Variants in PRKCE observed in about 807,000 individuals in gnomAD.
PRKCE encodes protein kinase C epsilon.
In PRKCE, 16 loss-of-function variants were observed where a neutral mutation model predicts 85.4. The observed-to-expected ratio is 0.19, with a 90% confidence interval of 0.13 to 0.28. PRKCE has a LOEUF of 0.28. PRKCE is among the 10% of genes least tolerant of loss of function. The pLI is 1.00. For missense variants in PRKCE, 573 were observed against 975.2 expected, an observed-to-expected ratio of 0.59 and a Z score of 5.49; for synonymous variants, 388 against 371.5, an observed-to-expected ratio of 1.04 and a Z score of -0.51.
intron 2 of PRKCE, among the ~76,000 whole-genome samples, chr2:45,934,702 A>G (rs1455714018): frequency 6.6e-6 from 1 of 151,974 alleles, no homozygotes; most frequent in Non-Finnish European, 1.5e-5. Context: ...AAAGCTCTAA[A>G]AAGATTCCAA....
intron 1 of PRKCE, among the ~76,000 whole-genome samples, chr2:45,804,988 G>A (rs1355955539): frequency 2.5e-5 from 3 of 121,056 alleles, no homozygotes; most frequent in African/African-American, 9.3e-5. Flanking sequence ...TCTGTTTTAT[G>A]CTAGAAGAGA....
intron 10 of PRKCE, among the ~76,000 whole-genome samples, chr2:46,055,439 G>A (rs1255544529): frequency 6.6e-6 from 1 of 152,244 alleles, no homozygotes; most frequent in Non-Finnish European, 1.5e-5. Context: ...GAAGGGGTCA[G>A]TGAAATACCC....
chr2:45,663,318 A>G (rs1675761672), intron 1 of PRKCE, among the ~76,000 whole-genome samples: 2 of 152,242 alleles, frequency 1.3e-5, no homozygotes, highest in African/African-American at 2.4e-5. Context: ...TCGGAAAATC[A>G]AGATTAACAC....
intron 10 of PRKCE, among the ~76,000 whole-genome samples, chr2:46,020,559 T>A (rs963692139): frequency 1.3e-5 from 2 of 152,218 alleles, no homozygotes; most frequent in Non-Finnish European, 2.9e-5. Flanking sequence ...AGATTCAAGA[T>A]TCTGGTATTC....
Position 45,786,913 on chromosome 2 carries a change from A to C in PRKCE, c.349-56087A>C, listed in dbSNP as rs1483286105. Reference sequence around the variant, plus strand: ...AAACCCTAGGGAATACGATTCCAGAACCTCACTGTTAACCAGGAAGCTGGT... The same window carrying C: ...AAACCCTAGGGAATACGATTCCAGACCCTCACTGTTAACCAGGAAGCTGGT... On this transcript the variant is annotated intron_variant, in intron 1 of 14. Transcript: ENST00000306156. This position sits in a 1 kb window ranked among gnomAD's most constrained non-coding sequence, Gnocchi z 5.3. Among the ~76,000 whole-genome samples, 2 of 152,198 alleles carry C rather than the reference A, an allele frequency of 1.3e-5. No individual in the cohort carries two copies. Among genetic ancestry groups the C allele is most frequent in the African/African-American group, 4.8e-5 (2 of 41,466 alleles).
intron 1 of PRKCE, among the ~76,000 whole-genome samples, chr2:45,720,777 T>C (rs1680551175): frequency 6.6e-6 from 1 of 152,170 alleles, no homozygotes; most frequent in South Asian, 2.1e-4. Flanking sequence ...AGCACTGTGC[T>C]TGGGGCTCAA....
chr2:45,813,277 C>T (rs150579050), intron 1 of PRKCE, among the ~76,000 whole-genome samples: 256 of 152,256 alleles, frequency 1.7e-3, no homozygotes, highest in African/African-American at 5.9e-3. Flanking sequence ...TCTGCGGGGA[C>T]CTTGTTGGCC....
chr2:45,883,207 A>T (rs1394551445), intron 2 of PRKCE, among the ~76,000 whole-genome samples: 2 of 152,254 alleles, frequency 1.3e-5, no homozygotes, highest in Non-Finnish European at 2.9e-5. Flanking sequence ...TTCCCTAAAC[A>T]GATTGCTCTT....
chr2:46,055,056 C>T (rs544779837), intron 10 of PRKCE, among the ~76,000 whole-genome samples: 2 of 152,302 alleles, frequency 1.3e-5, no homozygotes, highest in Admixed American at 6.5e-5. Context: ...CTAATTCGTT[C>T]GTGATCACAT....
At chr2:45,719,871 G>A (rs555486335) in intron 1 of PRKCE, among the ~76,000 whole-genome samples, 3 of 152,292 alleles carry the variant, frequency 2.0e-5, no homozygotes, top group African/African-American at 7.2e-5. Flanking sequence ...GTTACAGTGA[G>A]CTATGATCTA....
intron 2 of PRKCE, among the ~76,000 whole-genome samples, chr2:45,894,601 T>C (rs975030952): frequency 2.6e-5 from 4 of 151,884 alleles, no homozygotes; most frequent in East Asian, 1.9e-4. Context: ...TTTTCTGGAG[T>C]GGACGTGAGG....
rs73928813 is a variant in PRKCE at position 45,820,124 on chromosome 2, A to C, written c.349-22876A>C. Among the ~76,000 whole-genome samples, 108 of 152,306 alleles carry C rather than the reference A, an allele frequency of 7.1e-4. 2 individuals carry two copies. The highest frequency in any genetic ancestry group is 2.6e-3 in the African/African-American group (107 of 41,558). On this transcript the variant is annotated intron_variant, in intron 1 of 14. Coordinates refer to ENST00000306156, the MANE Select transcript of PRKCE (RefSeq NM_005400.3). ...GCGAATCCTCAATGGGATTTTCCAG[A>C]CGAAGGTAATGGAAACATCACGGCG...
intron 10 of PRKCE, among the ~76,000 whole-genome samples, chr2:46,072,765 G>A (rs1289636720): frequency 6.6e-6 from 1 of 152,192 alleles, no homozygotes; most frequent in African/African-American, 2.4e-5. Context: ...ACCTCTTGTA[G>A]GAAGCCATGG....
chr2:45,873,689 C>T (rs1431832898), intron 2 of PRKCE, among the ~76,000 whole-genome samples: 2 of 152,220 alleles, frequency 1.3e-5, no homozygotes, highest in Middle Eastern at 3.2e-3. Context: ...CCTCACTCCT[C>T]CCGGAGATCT....
At chr2:45,839,203 A>T (rs1303255832) in intron 1 of PRKCE, among the ~76,000 whole-genome samples, 1 of 152,048 alleles carries the variant, frequency 6.6e-6, no homozygotes, top group African/African-American at 2.4e-5. Context: ...TTTCATGACA[A>T]CCCATTTCAC....
At chr2:46,078,077 G>C (rs1205224574) in intron 10 of PRKCE, 28 of 152,240 alleles carry the variant, frequency 1.8e-4, no homozygotes, top group Admixed American at 1.8e-3. Flanking sequence ...TGAGGAATGA[G>C]GATTGCTTGT....
intron 1 of PRKCE, among the ~76,000 whole-genome samples, chr2:45,792,515 T>G (rs1397770297): frequency 6.6e-6 from 1 of 152,168 alleles, no homozygotes; most frequent in Non-Finnish European, 1.5e-5. Context: ...ACCCTTTCCC[T>G]TCTATCAGCT....
intron 1 of PRKCE, among the ~76,000 whole-genome samples, chr2:45,824,415 C>T (rs759157431): frequency 2.6e-5 from 4 of 152,160 alleles, no homozygotes; most frequent in Non-Finnish European, 5.9e-5. Context: ...AGGGAAGCAG[C>T]TCGGGGAGTC....
intron 2 of PRKCE, among the ~76,000 whole-genome samples, chr2:45,953,487 T>C (rs1292216635): frequency 1.3e-5 from 2 of 152,122 alleles, no homozygotes; most frequent in African/African-American, 4.8e-5. Context: ...TTTCCCCTCC[T>C]CTGGAACACC....
Sources: allele counts gnomAD v4.1 joint callset (sites outside exome capture counted in the v4.1 genomes callset), GRCh38; gene constraint gnomAD v4.1.1; non-coding constraint Gnocchi (gnomAD v3.1); transcripts MANE v1.5; gene names NCBI Gene and HGNC (gene_info 2026-07-23, HGNC 2026-07-21).